USH2A: variants seen among roughly 807,000 people sequenced by gnomAD.
The protein encoded by USH2A is usherin, also known as Usher syndrome 2A (autosomal recessive, mild).
USH2A carries 443 observed loss-of-function variants against 538.9 expected under a neutral mutation model. The ratio of observed to expected loss-of-function variants is 0.82; its 90% CI spans 0.76 to 0.89. USH2A has a LOEUF of 0.89. Among genes scored for constraint, USH2A ranks in the 40% least tolerant of loss-of-function variants. The pLI is 0.00. For missense variants in USH2A, 6,633 were observed against 6,324.8 expected (o/e 1.05, Z -1.65); for synonymous variants, 2,413 against 2,273.5 (o/e 1.06, Z -1.75).
chr1:215,835,164 C>CAAAAAA (rs34758891), intron 47 of USH2A, among the ~76,000 whole-genome samples: 7 of 56,114 alleles, frequency 1.2e-4, no homozygotes, highest in African/African-American at 5.2e-4. Flanking sequence ...AGTGATGCAC[C>CAAAAAA]AAAAAAAAAA....
At chr1:215,967,295 A>C (rs978658549) in intron 36 of USH2A, among the ~76,000 whole-genome samples, 1 of 152,100 alleles carries the variant, frequency 6.6e-6, no homozygotes, top group African/African-American at 2.4e-5. Flanking sequence ...CAGCCTCCGG[A>C]GTAGCTGAGA....
At chr1:216,069,387 G>A (rs1031696633) in intron 30 of USH2A, among the ~76,000 whole-genome samples, 3 of 152,160 alleles carry the variant, frequency 2.0e-5, no homozygotes, top group Non-Finnish European at 4.4e-5. Context: ...CGTCCATTCT[G>A]ATGGTTCACG....
chr1:216,250,954 T>C lies in USH2A; in HGVS notation c.2116A>G (p.Ile706Val), dbSNP rs1290607009. Residue 706 changes from isoleucine to valine, a missense_variant, in exon 12 of 72, where the codon ATT becomes GTT. Ile to Val is a conservative substitution (Grantham distance 29). Transcript: ENST00000307340. ...TGGCCTGAATTTTGGTGACAGGTAA[T>C]ATCTCCATCCACTGTCCCAGAGGTA... ...CNTSGTVDGD[I>V]TCHQNSGQCK... 1 of 1,613,720 alleles carries C rather than the reference T, an allele frequency of 6.2e-7. No homozygotes were observed. The highest frequency in any genetic ancestry group is 1.1e-5 in the South Asian group (1 of 91,072).
chr1:216,040,129 C>T lies in USH2A; in HGVS notation c.6325+6302G>A, dbSNP rs553763802. On this transcript the variant is annotated intron_variant, in intron 32 of 71. Coordinates refer to ENST00000307340, the MANE Select transcript of USH2A (RefSeq NM_206933.4). Reference sequence around the variant, plus strand: ...ATTGCTATTATCTATATCTTACTGCCTCAGTCTTAGTGATAGAAATCCAGG... The same window carrying T: ...ATTGCTATTATCTATATCTTACTGCTTCAGTCTTAGTGATAGAAATCCAGG... 2.6e-5 allele frequency among the ~76,000 whole-genome samples: 4 copies of T among 151,650 alleles called. 1 individual carries two copies. In the Middle Eastern group the frequency reaches 0.01, roughly 387 times the overall value.
chr1:216,256,016 T>A (rs2036252941), intron 11 of USH2A, among the ~76,000 whole-genome samples: 1 of 152,106 alleles, frequency 6.6e-6, no homozygotes. Context: ...TGGACAAAAT[T>A]TCTAAAAATT....
chr1:215,722,305 C>T (rs975729744), intron 61 of USH2A, among the ~76,000 whole-genome samples: 2 of 152,064 alleles, frequency 1.3e-5, no homozygotes, highest in Admixed American at 1.3e-4. Context: ...GCTACATCTC[C>T]CAGAGTATTT....
At chr1:215,786,532 C>T (rs1661805710) in intron 52 of USH2A, 138 bp downstream of exon 52, 2 of 906,878 alleles carry the variant, frequency 2.2e-6, no homozygotes, top group Non-Finnish European at 3.5e-6. Context: ...TACCTTGTAA[C>T]TAGCTGGCCT....
At chr1:216,065,990 A>G (rs926956333) in intron 30 of USH2A, among the ~76,000 whole-genome samples, 5 of 152,186 alleles carry the variant, frequency 3.3e-5, no homozygotes, top group Non-Finnish European at 5.9e-5. Flanking sequence ...ATAAATATTA[A>G]AAAACTAATC....
At chr1:216,074,296 C>G (rs935389930) in intron 27 of USH2A, among the ~76,000 whole-genome samples, 14 of 150,776 alleles carry the variant, frequency 9.3e-5, no homozygotes, top group African/African-American at 3.4e-4. Flanking sequence ...CAAACAGGAC[C>G]GAGTTTGAGA....
chr1:215,677,057 T>C (rs1413946689), intron 62 of USH2A, among the ~76,000 whole-genome samples: 1 of 152,154 alleles, frequency 6.6e-6, no homozygotes. Flanking sequence ...CCCTCTTCCC[T>C]CCCTCACCGT....
At chr1:215,649,180 T>C (rs1656963642) in intron 65 of USH2A, among the ~76,000 whole-genome samples, 1 of 152,224 alleles carries the variant, frequency 6.6e-6, no homozygotes, top group East Asian at 1.9e-4. Context: ...AAGGTCCATA[T>C]TCTGCCATGG....
chr1:215,877,703 C>T, intron 43 of USH2A, 55 bp downstream of exon 43: 1 of 1,610,550 alleles, frequency 6.2e-7, no homozygotes, highest in South Asian at 1.1e-5. Context: ...TTGAACTATT[C>T]AACATGCCCA....
chr1:216,283,819 G>A (rs1468857176), intron 11 of USH2A, among the ~76,000 whole-genome samples: 1 of 151,942 alleles, frequency 6.6e-6, no homozygotes, highest in Non-Finnish European at 1.5e-5. Context: ...GTTTAATGTT[G>A]TCCCCAGTCT....
At chr1:215,862,674 C>G (rs1363290766) in intron 44 of USH2A, among the ~76,000 whole-genome samples, 1 of 152,064 alleles carries the variant, frequency 6.6e-6, no homozygotes, top group African/African-American at 2.4e-5. Flanking sequence ...TTGAAAGGAC[C>G]ATGCACATTT....
At chr1:216,074,337 T>TCA (rs1180780919) in intron 27 of USH2A, among the ~76,000 whole-genome samples, 1 of 151,554 alleles carries the variant, frequency 6.6e-6, no homozygotes, top group African/African-American at 2.4e-5. Flanking sequence ...TCTCTCTCTC[T>TCA]CTCTCTCTCT....
chr1:215,653,357 C>T (rs1267639036), intron 64 of USH2A, among the ~76,000 whole-genome samples: 1 of 152,178 alleles, frequency 6.6e-6, no homozygotes, highest in Non-Finnish European at 1.5e-5. Flanking sequence ...TGTATGCAGG[C>T]TATTTTGTCT....
At chr1:216,043,261 T>C (rs1237196584) in intron 32 of USH2A, among the ~76,000 whole-genome samples, 1 of 152,132 alleles carries the variant, frequency 6.6e-6, no homozygotes, top group Non-Finnish European at 1.5e-5. Flanking sequence ...TTTCTAGCTA[T>C]AAAGTTAGAA....
At chr1:216,181,314 A>G (rs2034489940) in intron 20 of USH2A, among the ~76,000 whole-genome samples, 1 of 152,088 alleles carries the variant, frequency 6.6e-6, no homozygotes, top group Non-Finnish European at 1.5e-5. Flanking sequence ...GAATAATTTA[A>G]AACAGTACTT....
intron 26 of USH2A, among the ~76,000 whole-genome samples, chr1:216,080,718 A>G (rs184243879): frequency 1.3e-5 from 2 of 151,346 alleles, no homozygotes; most frequent in African/African-American, 4.9e-5. Context: ...CAAAGAGGGG[A>G]GACTGTAGAA....
Sources: allele counts gnomAD v4.1 joint callset (sites outside exome capture counted in the v4.1 genomes callset), GRCh38; gene constraint gnomAD v4.1.1; transcripts MANE v1.5; gene names NCBI Gene and HGNC (gene_info 2026-07-23, HGNC 2026-07-21).